The following CFAP61 variants were observed in gnomAD, a reference collection of about 807,000 sequenced individuals.
The protein encoded by CFAP61 is cilia- and flagella-associated protein 61.
CFAP61 carries 107 observed loss-of-function variants against 135.6 expected under a neutral mutation model. That is an observed-to-expected ratio of 0.79 (90% CI 0.67 to 0.93). The LOEUF (loss-of-function observed/expected upper bound fraction) is 0.93. CFAP61 is among the 40% of genes least tolerant of loss of function. The pLI is 0.00. For missense variants in CFAP61, 1,507 were observed against 1,556.2 expected, an observed-to-expected ratio of 0.97 and a Z score of 0.53; for synonymous variants, 575 against 578.5, an observed-to-expected ratio of 0.99 and a Z score of 0.09.
rs562995375 is a variant in CFAP61, at chr20:20,098,841, T to G, written c.859+27T>G. ...TACAGTGGCTATCACAGGGACACACTGGGAAATTAAATCTATGCTTTATAC... is the reference window on the plus strand; with the variant it reads ...TACAGTGGCTATCACAGGGACACACGGGGAAATTAAATCTATGCTTTATAC... On this transcript the variant is annotated intron_variant, in intron 8 of 26. Coordinates refer to ENST00000245957, the MANE Select transcript of CFAP61 (RefSeq NM_015585.4). 7 of 1,594,498 alleles carry G rather than the reference T, an allele frequency of 4.4e-6. No homozygotes were observed. The African/African-American group carries it at 8.1e-5, about 18-fold the overall frequency.
chr20:20,172,261 G>A, intron 13 of CFAP61: 2 of 984,482 alleles, frequency 2.0e-6, no homozygotes, highest in Non-Finnish European at 1.2e-6. Context: ...AGGTGAAGAT[G>A]GTGACTGACT....
chr20:20,186,569 A>G (rs2055515436), intron 13 of CFAP61, among the ~76,000 whole-genome samples: 1 of 152,198 alleles, frequency 6.6e-6, no homozygotes, highest in Non-Finnish European at 1.5e-5. Context: ...TTACATTTAC[A>G]TCTGTAATCC....
chr20:20,149,482 A>C (rs1048972756), intron 9 of CFAP61, among the ~76,000 whole-genome samples: 7 of 152,220 alleles, frequency 4.6e-5, no homozygotes, highest in South Asian at 4.1e-4. Context: ...CCTTTGTAAG[A>C]AGCAGCAGAC....
intron 13 of CFAP61, among the ~76,000 whole-genome samples, chr20:20,172,989 C>T (rs902092809): frequency 2.6e-5 from 4 of 152,182 alleles, no homozygotes; most frequent in Admixed American, 1.3e-4. Flanking sequence ...TTTTTACTGT[C>T]GCCATAATTT....
At chr20:20,338,430 A>G (rs988292649) in intron 25 of CFAP61, among the ~76,000 whole-genome samples, 1 of 152,186 alleles carries the variant, frequency 6.6e-6, no homozygotes, top group Non-Finnish European at 1.5e-5. Flanking sequence ...TTTCATGCCA[A>G]GAGAAAACTA....
At chr20:20,276,039 G>A (rs2053734704) in intron 21 of CFAP61, among the ~76,000 whole-genome samples, 1 of 152,204 alleles carries the variant, frequency 6.6e-6, no homozygotes, top group Non-Finnish European at 1.5e-5. Context: ...TAGATGAAGA[G>A]CAGGGAGTAT....
At chr20:20,098,623 A>AAAAAAT in intron 7 of CFAP61, 32 bp from the exon 8 acceptor site, 1 of 1,530,126 alleles carries the variant, frequency 6.5e-7, no homozygotes, top group Non-Finnish European at 8.7e-7. Context: ...AAAAAAAAAA[A>AAAAAAT]AAAGAATAAT....
Position 20,290,294 on chromosome 20 carries a change from T to C in CFAP61, c.3125-6T>C, listed in dbSNP as rs373560491. The C allele has an allele frequency of 1.3e-6, 2 of 1,593,982 alleles. No homozygotes were observed. The highest frequency in any genetic ancestry group is 1.7e-6 in the Non-Finnish European group (2 of 1,161,560). On this transcript the variant is annotated splice_region_variant and splice_polypyrimidine_tract_variant and intron_variant, in intron 23 of 26. Transcript: ENST00000245957. Reference sequence around the variant, plus strand: ...TTTTAAATGGAAAACTTGCCATCTCTTCTAGGGGGCATTCTTCCTGGGTCT... The same window carrying C: ...TTTTAAATGGAAAACTTGCCATCTCCTCTAGGGGGCATTCTTCCTGGGTCT...
chr20:20,154,892 A>G (rs748536842), intron 9 of CFAP61, among the ~76,000 whole-genome samples: 33 of 152,170 alleles, frequency 2.2e-4, no homozygotes, highest in Admixed American at 6.5e-4. Context: ...TAAAAATACC[A>G]TCATCATTCT....
rs371922294 is a variant in CFAP61, at chr20:20,154,029, A to G, written c.952-5341A>G. 2.0e-4 allele frequency among the ~76,000 whole-genome samples: 30 copies of G among 152,308 alleles called. 1 individual carries two copies. Among genetic ancestry groups the G allele is most frequent in the East Asian group, 1.9e-3 (10 of 5,196 alleles). On this transcript the variant is annotated intron_variant, in intron 9 of 26. Coordinates refer to ENST00000245957, the MANE Select transcript of CFAP61 (RefSeq NM_015585.4). ...AATACACCATGATCAAGTGGGTTTCATACCAGGGATGCAGGGTTTAACATA... is the reference window on the plus strand; with the variant it reads ...AATACACCATGATCAAGTGGGTTTCGTACCAGGGATGCAGGGTTTAACATA...
Position 20,169,469 on chromosome 20 carries a change from A to C in CFAP61, c.1385+9A>C. On this transcript the variant is annotated intron_variant, in intron 13 of 26. Coordinates refer to ENST00000245957, the MANE Select transcript of CFAP61 (RefSeq NM_015585.4). ...CGGGCTGGATTGCTCAAGTGAGTAG[A>C]CACATGTTTGGCCACACAACAATCC... 1 of 1,599,662 alleles carries C rather than the reference A, an allele frequency of 6.3e-7. No individual in the cohort carries two copies. Among genetic ancestry groups the C allele is most frequent in the East Asian group, 2.2e-5 (1 of 44,712 alleles).
At chr20:20,226,418 A>C (rs911019527) in intron 17 of CFAP61, among the ~76,000 whole-genome samples, 1 of 152,240 alleles carries the variant, frequency 6.6e-6, no homozygotes, top group Non-Finnish European at 1.5e-5. Flanking sequence ...GCCTACTTCC[A>C]GCTGACCTAG....
chr20:20,351,673 A>G (rs886148563), intron 26 of CFAP61, among the ~76,000 whole-genome samples: 5 of 152,168 alleles, frequency 3.3e-5, no homozygotes, highest in African/African-American at 1.2e-4. Flanking sequence ...AATATTTAGG[A>G]GTTTTTAACC....
chr20:20,119,447 T>G (rs1223464480), intron 8 of CFAP61, among the ~76,000 whole-genome samples: 1 of 152,118 alleles, frequency 6.6e-6, no homozygotes, highest in Non-Finnish European at 1.5e-5. Flanking sequence ...ATTTTTGTGG[T>G]CTTAGTTGTT....
chr20:20,321,370 GGTA>G lies in CFAP61; in HGVS notation c.3423-20460_3423-20458del, dbSNP rs1000670484. On this transcript the variant is annotated intron_variant, in intron 25 of 26. Coordinates refer to ENST00000245957, the MANE Select transcript of CFAP61 (RefSeq NM_015585.4). ...CTGTTGAAACTGGGTGATAGGTGATGGTAACTTATATAAGTAATCATATTTATG... is the reference window on the plus strand; with the variant it reads ...CTGTTGAAACTGGGTGATAGGTGATGACTTATATAAGTAATCATATTTATG... Among the ~76,000 whole-genome samples the G allele has an allele frequency of 5.9e-5, 9 of 152,214 alleles. No individual in the cohort carries two copies. In the South Asian group the frequency reaches 1.5e-3, roughly 25 times the overall value.
At chr20:20,247,230 C>T (rs193168076) in intron 19 of CFAP61, among the ~76,000 whole-genome samples, 4 of 152,356 alleles carry the variant, frequency 2.6e-5, no homozygotes, top group Admixed American at 2.6e-4. Flanking sequence ...TTCTAAATTA[C>T]ACGATTCCCA....
At chr20:20,294,860 G>A (rs958324260) in intron 24 of CFAP61, among the ~76,000 whole-genome samples, 7 of 150,994 alleles carry the variant, frequency 4.6e-5, no homozygotes, top group South Asian at 4.2e-4. Context: ...CCCGGGAAGC[G>A]GAGCTTGCAG....
At chr20:20,221,444 C>G (rs569029959) in intron 17 of CFAP61, among the ~76,000 whole-genome samples, 1 of 152,202 alleles carries the variant, frequency 6.6e-6, no homozygotes, top group South Asian at 2.1e-4. Context: ...ATCTAAGTTG[C>G]TATCAATTAT....
intron 19 of CFAP61, among the ~76,000 whole-genome samples, chr20:20,247,532 C>G (rs559320298): frequency 9.1e-4 from 138 of 152,324 alleles, no homozygotes; most frequent in African/African-American, 3.3e-3. Context: ...AATATGGTGG[C>G]CACTAGCCAC....
Sources: gnomAD v4.1 joint callset for allele counts (sites outside exome capture counted in the v4.1 genomes callset) on GRCh38, gnomAD v4.1.1 for gene constraint, MANE v1.5 for transcripts, NCBI Gene and HGNC (gene_info 2026-07-23, HGNC 2026-07-21) for gene names.